FBN1: variants seen among roughly 807,000 people sequenced by gnomAD.
FBN1 encodes the protein fibrillin 1.
In FBN1, 29 loss-of-function variants were observed where a neutral mutation model predicts 365.1. The ratio of observed to expected loss-of-function variants is 0.08; its 90% CI spans 0.06 to 0.11. FBN1 has a LOEUF of 0.11. Ranked by LOEUF, FBN1 falls within the 10% of genes least tolerant of loss-of-function variation. The probability of loss-of-function intolerance (pLI) is 1.00; values close to 1 mark genes in which losing one functional copy is unlikely to be tolerated. For missense variants in FBN1, 2,476 were observed against 3,703.2 expected (o/e 0.67, Z 8.60); for synonymous variants, 1,210 against 1,270.5 (o/e 0.95, Z 1.01).
Position 48,411,626 on chromosome 15 carries a change from A to G in FBN1, c.8227-247T>C, listed in dbSNP as rs8023401. On this transcript the variant is annotated intron_variant, in intron 65 of 65. Coordinates refer to ENST00000316623, the MANE Select transcript of FBN1 (RefSeq NM_000138.5). ...ATCATTTGTATCTGGAGGTCTCAAA[A>G]TGTAGTCCCTGAACAAGCTGCATCA... 0.9 allele frequency among the ~76,000 whole-genome samples: 136,592 copies of G among 152,310 alleles called. 61,342 individuals are homozygous for G. The highest frequency in any genetic ancestry group is 0.94 in the African/African-American group (38,928 of 41,574).
At chr15:48,513,519 C>A in intron 13 of FBN1, 30 bp downstream of exon 13, 6 of 1,613,822 alleles carry the variant, frequency 3.7e-6, no homozygotes, top group Non-Finnish European at 5.1e-6. Flanking sequence ...ATATATGTCC[C>A]ACATTCCACG....
intron 4 of FBN1, among the ~76,000 whole-genome samples, chr15:48,600,547 T>C (rs1161012751): frequency 6.6e-6 from 1 of 151,988 alleles, no homozygotes; most frequent in African/African-American, 2.4e-5. Context: ...CTACTAAAAA[T>C]ACAAAAATTA....
intron 2 of FBN1, among the ~76,000 whole-genome samples, chr15:48,615,181 A>G (rs1889627546): frequency 6.6e-6 from 1 of 152,234 alleles, no homozygotes; most frequent in Non-Finnish European, 1.5e-5. Context: ...CCATTAGAAC[A>G]GCTCCGCTGG....
At chr15:48,422,145 T>C (rs902588233) in intron 60 of FBN1, 77 bp from the exon 61 acceptor site, 3 of 988,064 alleles carry the variant, frequency 3.0e-6, no homozygotes, top group Non-Finnish European at 4.9e-6. Flanking sequence ...ATGAAGCAGC[T>C]CCACGTTTGA....
In FBN1 at chr15:48,516,335, G is replaced by A. The variant is rs534127494; in HGVS notation, c.1175C>T (p.Pro392Leu). The A allele has an allele frequency of 2.5e-6, 4 of 1,613,698 alleles. No homozygotes were observed. Among genetic ancestry groups the A allele is most frequent in the Non-Finnish European group, 3.4e-6 (4 of 1,179,918 alleles). The change falls in exon 11 of 66, where the codon CCT becomes CTT. Residue 392 changes from proline (P) to leucine (L), a missense_variant. Physicochemically the swap from Pro to Leu is moderately conservative, Grantham distance 98. This residue lies in a region of FBN1 where 421 missense variants were observed against 520.1 expected (regional missense o/e 0.81). Transcript: ENST00000316623. ...TTCTGGTCTCCCAGGAATTACCATA[G>A]GAACAGAGCACAGCTTGTTGAAATC... is the stretch of plus-strand genomic sequence containing the variant. ...TEDFNKLCSV[P>L]MVIPGRPEYP...
chr15:48,571,905 A>T (rs2044308407), intron 6 of FBN1, among the ~76,000 whole-genome samples: 1 of 152,240 alleles, frequency 6.6e-6, no homozygotes, highest in African/African-American at 2.4e-5. Context: ...TAAAATGTGT[A>T]TGTGTGGAAA....
At chr15:48,525,724 T>C (rs1234943924) in intron 9 of FBN1, among the ~76,000 whole-genome samples, 1 of 152,144 alleles carries the variant, frequency 6.6e-6, no homozygotes, top group Non-Finnish European at 1.5e-5. Context: ...AGATGGATTG[T>C]AGAGAAGCCA....
intron 2 of FBN1, chr15:48,644,336 C>A (rs1267933955): frequency 1.9e-6 from 1 of 522,470 alleles, no homozygotes. Flanking sequence ...CCTTCTTCCC[C>A]AAGGAACTCT....
intron 64 of FBN1, among the ~76,000 whole-genome samples, chr15:48,415,062 T>C (rs952795420): frequency 4.6e-5 from 7 of 152,178 alleles, no homozygotes; most frequent in Non-Finnish European, 1.0e-4. Context: ...ATGTAAAATA[T>C]AATTTAAAAC....
chr15:48,418,792 T>C (rs2042919289), intron 63 of FBN1, among the ~76,000 whole-genome samples: 1 of 152,224 alleles, frequency 6.6e-6, no homozygotes, highest in Non-Finnish European at 1.5e-5. Flanking sequence ...CCCACCACTC[T>C]GTCCTCTAAA....
chr15:48,503,657 A>C, intron 17 of FBN1, 130 bp downstream of exon 17: 1 of 1,215,804 alleles, frequency 8.2e-7, no homozygotes. Flanking sequence ...GGCCTCTGCC[A>C]AGACCCCAAG....
chr15:48,466,863 C>T (rs1458430842), intron 38 of FBN1, among the ~76,000 whole-genome samples: 2 of 152,054 alleles, frequency 1.3e-5, no homozygotes, highest in Admixed American at 1.3e-4. Context: ...TTTCTTCTTT[C>T]ATGTCACAAC....
intron 6 of FBN1, among the ~76,000 whole-genome samples, chr15:48,594,398 T>C (rs1292475311): frequency 6.6e-6 from 1 of 152,168 alleles, no homozygotes; most frequent in East Asian, 1.9e-4. Flanking sequence ...GGGATGAATT[T>C]GATTTTGAAA....
At chr15:48,568,454 G>C (rs2044278323) in intron 6 of FBN1, among the ~76,000 whole-genome samples, 1 of 152,026 alleles carries the variant, frequency 6.6e-6, no homozygotes, top group Non-Finnish European at 1.5e-5. Flanking sequence ...GTAGATTAAA[G>C]GTAATCTTTA....
chr15:48,460,283 T>C lies in FBN1; in HGVS notation c.5259A>G (p.Pro1753=), dbSNP rs1227515373. Residue 1753 remains proline, a synonymous_variant, in exon 43 of 66, where the codon CCA becomes CCG. Transcript: ENST00000316623. ...CGGTATAAATGTCGATGACAAAGCC[T>C]GGCCTTTGACTTCCACAGAGTGTAG... ...EFATLCGSQR[P]GFVIDIYTGL... is the part of the protein sequence containing the mutation. 1 of 1,613,536 alleles carries C rather than the reference T, an allele frequency of 6.2e-7. No homozygotes were observed. Among genetic ancestry groups the C allele is most frequent in the African/African-American group, 1.3e-5 (1 of 74,924 alleles).
chr15:48,432,623 G>A (rs1205843068), intron 55 of FBN1, among the ~76,000 whole-genome samples: 6 of 152,090 alleles, frequency 3.9e-5, no homozygotes, highest in African/African-American at 1.2e-4. Context: ...AAATACTGGC[G>A]TGTTGTGAGC....
chr15:48,534,693 G>A (rs1218075633), intron 7 of FBN1, among the ~76,000 whole-genome samples: 1 of 152,214 alleles, frequency 6.6e-6, no homozygotes, highest in African/African-American at 2.4e-5. Context: ...AGGTCACTCA[G>A]ACTACACGAG....
In FBN1 at chr15:48,464,014, A is replaced by G; in HGVS notation, c.4950T>C (p.Asn1650=). 6.2e-7 allele frequency: 1 copy of G among 1,613,988 alleles called. No individual in the cohort carries two copies. The highest frequency in any genetic ancestry group is 8.5e-7 in the Non-Finnish European group (1 of 1,179,876). Residue 1650 remains asparagine (N), a synonymous_variant, in exon 41 of 66, where the codon AAT becomes AAC. Transcript: ENST00000316623. ...NEDTRVCDDV[N]ECETPGICGP... ...CACAGATTCCAGGAGTCTCACATTCATTCACATCTATAATCCAAAGAGAAA... is the reference window on the plus strand; with the variant it reads ...CACAGATTCCAGGAGTCTCACATTCGTTCACATCTATAATCCAAAGAGAAA...
chr15:48,638,391 A>G (rs928078066), intron 2 of FBN1, among the ~76,000 whole-genome samples: 3 of 152,252 alleles, frequency 2.0e-5, no homozygotes, highest in African/African-American at 7.2e-5. Context: ...AAGATTTATT[A>G]TAACTGTAAA....
Sources: gnomAD v4.1 joint callset for allele counts (sites outside exome capture counted in the v4.1 genomes callset) on GRCh38, gnomAD v4.1.1 for gene constraint, gnomAD v4.1.1 regional missense constraint, MANE v1.5 for transcripts, NCBI Gene and HGNC (gene_info 2026-07-23, HGNC 2026-07-21) for gene names.